PDZRN4: variants seen among roughly 807,000 people sequenced by gnomAD.
The protein encoded by PDZRN4 is PDZ domain-containing RING finger protein 4.
In PDZRN4, 70 loss-of-function variants were observed where a neutral mutation model predicts 99.0. The ratio of observed to expected loss-of-function variants is 0.71; its 90% CI spans 0.58 to 0.86. The LOEUF is 0.86. PDZRN4 is among the 40% of genes least tolerant of loss of function. The probability of loss-of-function intolerance (pLI) is 0.00; values close to 1 mark genes in which losing one functional copy is unlikely to be tolerated. For synonymous variants in PDZRN4, 551 were observed against 501.6 expected (o/e 1.10, Z -1.32); for missense variants, 1,474 against 1,331.2 (o/e 1.11, Z -1.67).
chr12:41,249,526 T>G (rs75646951), intron 3 of PDZRN4, among the ~76,000 whole-genome samples: 4,968 of 152,230 alleles, frequency 0.033, 146 homozygotes, highest in East Asian at 0.12. Context: ...GGGAAGAAGG[T>G]ACCTGAATGA....
Position 41,552,762 on chromosome 12 carries a change from A to G in PDZRN4, c.1302+8A>G, listed in dbSNP as rs2120800835. 3.7e-6 allele frequency: 6 copies of G among 1,607,376 alleles called. No homozygotes were observed. In the East Asian group the frequency reaches 1.3e-4, roughly 36 times the overall value. The stretch of plus-strand genomic sequence containing the variant: ...GGCATTTATGTCAGCGAGGTAAGAA[A>G]CGCCATGGAGGGGAAATTCGAGGAG... On this transcript the variant is annotated splice_region_variant and intron_variant, in intron 6 of 9. Transcript: ENST00000402685.
chr12:41,387,939 G>A (rs1565569386), intron 3 of PDZRN4, among the ~76,000 whole-genome samples: 1 of 152,118 alleles, frequency 6.6e-6, no homozygotes, highest in Non-Finnish European at 1.5e-5. Context: ...TATTCCCAAA[G>A]GAGTATAACT....
chr12:41,369,019 C>T (rs1338308096), intron 3 of PDZRN4, among the ~76,000 whole-genome samples: 1 of 152,058 alleles, frequency 6.6e-6, no homozygotes, highest in Non-Finnish European at 1.5e-5. Context: ...ACTTTTCTTG[C>T]TAAAAAGTAC....
chr12:41,264,766 A>T (rs1241344084), intron 3 of PDZRN4, among the ~76,000 whole-genome samples: 1 of 152,200 alleles, frequency 6.6e-6, no homozygotes, highest in Admixed American at 6.5e-5. Context: ...ATTGTATTGT[A>T]GAAAACCTTT....
At position 41,555,596 on chromosome 12, in the gene PDZRN4, AT is replaced by A. The variant is rs1327333548; in HGVS notation, c.1303-98del. 5.7e-6 allele frequency: 5 copies of A among 875,262 alleles called. No individual in the cohort carries two copies. In the Admixed American group the frequency reaches 7.9e-5, roughly 14 times the overall value. 54.2% of individuals were successfully genotyped at this position (875,262 alleles called of 1,614,324 possible). A position where few individuals can be genotyped will look rare whatever the true frequency, so the allele number is the denominator to read the frequency against. On this transcript the variant is annotated intron_variant, in intron 6 of 9. Coordinates refer to ENST00000402685, the MANE Select transcript of PDZRN4 (RefSeq NM_001164595.2). Reference sequence around the variant, plus strand: ...GTATACTGTCACAAATCAACAGAGAATTTTGAAACAGCTTTTTCAAAATATA... The same window carrying A: ...GTATACTGTCACAAATCAACAGAGAATTTGAAACAGCTTTTTCAAAATATA...
intron 3 of PDZRN4, among the ~76,000 whole-genome samples, chr12:41,378,826 C>G (rs536739507): frequency 6.6e-6 from 1 of 152,094 alleles, no homozygotes; most frequent in South Asian, 2.1e-4. Context: ...CCCAGCCTCC[C>G]TCTTCAATTT....
chr12:41,326,607 C>T (rs1184392327), intron 3 of PDZRN4, among the ~76,000 whole-genome samples: 5 of 152,046 alleles, frequency 3.3e-5, no homozygotes, highest in East Asian at 3.9e-4. Context: ...TCAGCAAGGG[C>T]GAGAGGATCT....
chr12:41,410,826 G>T (rs1952392729), intron 3 of PDZRN4, among the ~76,000 whole-genome samples: 1 of 152,084 alleles, frequency 6.6e-6, no homozygotes, highest in Non-Finnish European at 1.5e-5. Flanking sequence ...CTGAGAAAGA[G>T]TTACTCAAAT....
chr12:41,393,444 A>G (rs1952224488), intron 3 of PDZRN4, among the ~76,000 whole-genome samples: 1 of 152,072 alleles, frequency 6.6e-6, no homozygotes, highest in African/African-American at 2.4e-5. Flanking sequence ...TCATATATAT[A>G]TGGCTTTGTA....
chr12:41,398,115 G>C (rs923265547), intron 3 of PDZRN4, among the ~76,000 whole-genome samples: 2 of 152,046 alleles, frequency 1.3e-5, no homozygotes, highest in African/African-American at 4.8e-5. Context: ...TGGAAATTTT[G>C]CCTGCTATTA....
intron 3 of PDZRN4, among the ~76,000 whole-genome samples, chr12:41,250,367 C>T (rs1412814338): frequency 1.4e-4 from 21 of 152,240 alleles, no homozygotes; most frequent in Admixed American, 1.3e-3. Context: ...TTGATTATTC[C>T]ACCACCATCT....
At chr12:41,265,937 A>T (rs956026744) in intron 3 of PDZRN4, among the ~76,000 whole-genome samples, 3 of 152,206 alleles carry the variant, frequency 2.0e-5, no homozygotes, top group African/African-American at 7.2e-5. Flanking sequence ...AAAATAAGTT[A>T]TTCAAATCAA....
chr12:41,497,732 G>A (rs1184955351), intron 3 of PDZRN4, among the ~76,000 whole-genome samples: 2 of 152,132 alleles, frequency 1.3e-5, no homozygotes, highest in Non-Finnish European at 2.9e-5. Flanking sequence ...TTATGACAAA[G>A]ATAAAGTTGG....
chr12:41,448,390 A>G (rs1303798080), intron 3 of PDZRN4, among the ~76,000 whole-genome samples: 1 of 152,110 alleles, frequency 6.6e-6, no homozygotes, highest in Non-Finnish European at 1.5e-5. Context: ...GGCTCAATCC[A>G]AAGTTTGCCA....
At chr12:41,406,097 A>G (rs984224701) in intron 3 of PDZRN4, among the ~76,000 whole-genome samples, 1 of 152,154 alleles carries the variant, frequency 6.6e-6, no homozygotes, top group Non-Finnish European at 1.5e-5. Context: ...ACTAAAAAAA[A>G]CCAAAATATT....
intron 3 of PDZRN4, among the ~76,000 whole-genome samples, chr12:41,469,874 G>T (rs1565591276): frequency 6.6e-6 from 1 of 152,102 alleles, no homozygotes; most frequent in Non-Finnish European, 1.5e-5. Flanking sequence ...AGCTTGCAGT[G>T]AGCAGAGATC....
intron 3 of PDZRN4, among the ~76,000 whole-genome samples, chr12:41,242,561 T>C (rs1951107793): frequency 6.6e-6 from 1 of 152,138 alleles, no homozygotes; most frequent in Admixed American, 6.5e-5. Flanking sequence ...CTCTTGTTAT[T>C]CCAAATTGTA....
At position 41,407,236 on chromosome 12, in the gene PDZRN4, CT is replaced by C. The variant is rs1392903604; in HGVS notation, c.844-99217del. ...ATCTCACCGTCATTTTAGGCTAGTA[CT>C]TTGGATAATGGAGTGGACTTAGCTA... On this transcript the variant is annotated intron_variant, in intron 3 of 9. Transcript: ENST00000402685. Among the ~76,000 whole-genome samples the C allele has an allele frequency of 3.3e-5, 5 of 152,256 alleles. No homozygotes were observed. The East Asian group carries it at 9.6e-4, about 29-fold the overall frequency.
chr12:41,437,855 G>A, intron 3 of PDZRN4: 1 of 1,608,854 alleles, frequency 6.2e-7, no homozygotes. Flanking sequence ...AAAAACAGTA[G>A]TCAAGTCTGG....
Sources: gnomAD v4.1 joint callset for allele counts (sites outside exome capture counted in the v4.1 genomes callset) on GRCh38, gnomAD v4.1.1 for gene constraint, MANE v1.5 for transcripts, NCBI Gene and HGNC (gene_info 2026-07-23, HGNC 2026-07-21) for gene names.